The following KRT12 variants were observed in gnomAD, a reference collection of about 807,000 sequenced individuals.
KRT12 encodes keratin, type I cytoskeletal 12.
A neutral mutation model predicts 50.2 loss-of-function variants in KRT12; 43 were observed. The ratio of observed to expected loss-of-function variants is 0.86; its 90% confidence interval spans 0.67 to 1.11. The LOEUF is 1.11. Among genes scored for constraint, KRT12 ranks in the 50% least tolerant of loss-of-function variants. KRT12 has a pLI of 0.00. For missense variants in KRT12, 588 were observed against 625.6 expected (o/e 0.94, Z 0.64); for synonymous variants, 257 against 253.6 (o/e 1.01, Z -0.13).
In KRT12 at chr17:40,867,077, C is replaced by T. The variant is rs770746017; in HGVS notation, c.110G>A (p.Ser37Asn). 2 of 1,613,456 alleles carry T rather than the reference C, an allele frequency of 1.2e-6. No individual in the cohort carries two copies. The highest frequency in any genetic ancestry group is 2.2e-5 in the South Asian group (2 of 91,000). The stretch of plus-strand genomic sequence containing the variant: ...ACTTCCCCCATAACCACTTCCAACA[C>T]TGGAAGCAGACATGCCCCTGGGTCT... ...IGRPRGMSAS[S>N]VGSGYGGSAF... Residue 37 changes from serine (S) to asparagine (N), a missense_variant, in exon 1 of 8, where the codon AGT becomes AAT. Coordinates refer to ENST00000251643, the MANE Select transcript of KRT12 (RefSeq NM_000223.4).
In KRT12 at chr17:40,866,108, G is replaced by A. The variant is rs748134495; in HGVS notation, c.650+47C>T. The stretch of plus-strand genomic sequence containing the variant: ...TCAATGAAGGCAGGACAGTAGGACA[G>A]AAGACATGGTGGGACACGCCCATGA... On this transcript the variant is annotated intron_variant, in intron 2 of 7. Coordinates refer to ENST00000251643, the MANE Select transcript of KRT12 (RefSeq NM_000223.4). 4 of 1,395,868 alleles carry A rather than the reference G, an allele frequency of 2.9e-6. No individual in the cohort carries two copies. The African/African-American group carries it at 5.7e-5, about 20-fold the overall frequency. 86.5% of individuals were successfully genotyped at this position (1,395,868 alleles called of 1,614,324 possible). A position where few individuals can be genotyped will look rare whatever the true frequency, so the allele number is the denominator to read the frequency against.
At position 40,864,918 on chromosome 17, in the gene KRT12, A is replaced by G. The variant is rs776960497; in HGVS notation, c.695T>C (p.Ile232Thr). Residue 232 changes from isoleucine (I) to threonine (T), a missense_variant, in exon 3 of 8, where the codon ATC becomes ACC. Transcript: ENST00000251643. ...LALRQGVEAD[I>T]NGLRRVLDEL... is the part of the protein sequence containing the mutation. ...GTCCAGCACCCGGCGCAGGCCATTG[A>G]TGTCGGCCTCTACGCCCTGGCGCAG... 6.2e-7 allele frequency: 1 copy of G among 1,614,200 alleles called. No individual in the cohort carries two copies. The highest frequency in any genetic ancestry group is 1.1e-5 in the South Asian group (1 of 91,086).
chr17:40,867,038 C>A lies in KRT12; in HGVS notation c.149G>T (p.Gly50Val). ...AGAAAAGCCTCCCCCACAGCTGGCT[C>A]CAAAGCCAAAGGCACTTCCCCCATA... is the stretch of plus-strand genomic sequence containing the variant. ...SGYGGSAFGF[G>V]ASCGGGFSAA... The change falls in exon 1 of 8, where the codon GGA (glycine) becomes GTA (valine). Residue 50 changes from glycine (G) to valine (V), a missense_variant. Gly to Val is a moderately radical substitution (Grantham distance 109). Coordinates refer to ENST00000251643, the MANE Select transcript of KRT12 (RefSeq NM_000223.4). 1 of 1,604,600 alleles carries A rather than the reference C, an allele frequency of 6.2e-7. No individual in the cohort carries two copies. The highest frequency in any genetic ancestry group is 8.5e-7 in the Non-Finnish European group (1 of 1,174,706).
chr17:40,865,906 A>T (rs1334980169), intron 2 of KRT12, among the ~76,000 whole-genome samples: 1 of 152,226 alleles, frequency 6.6e-6, no homozygotes, highest in Non-Finnish European at 1.5e-5. Flanking sequence ...TCACATCATG[A>T]GTTGAGTCAA....
rs1906798578 is a variant in KRT12, at chr17:40,861,434, A to G, written c.*227T>C. On this transcript the variant is annotated 3_prime_UTR_variant, in exon 8 of 8. Transcript: ENST00000251643. ...GACTACTCCAGGTCCAGAAGGATAT[A>G]AGGTAATTTTGATTTGTTACAAAGA... The G allele has an allele frequency of 1.0e-5, 6 of 575,374 alleles. No homozygotes were observed. The Admixed American group carries it at 1.8e-4, about 17-fold the overall frequency. The allele number at this position is 575,374 out of a possible 1,614,324, so 35.6% of individuals were successfully genotyped here. A position where few individuals can be genotyped will look rare whatever the true frequency, so the allele number is the denominator to read the frequency against.
In KRT12 at chr17:40,867,142, G is replaced by A. The variant is rs199775745; in HGVS notation, c.45C>T (p.Pro15=). 24 of 1,611,696 alleles carry A rather than the reference G, an allele frequency of 1.5e-5. No individual in the cohort carries two copies. The Middle Eastern group carries it at 6.6e-4, about 44-fold the overall frequency. Residue 15 remains proline, a synonymous_variant, in exon 1 of 8, where the codon CCC becomes CCT. Transcript: ENST00000251643. ...NNTMSLSVRT[P]GLSRRLSSQS... is the part of the protein sequence containing the mutation. ...GCGAGGAGAGCCGCCGGGACAGTCC[G>A]GGGGTGCGCACTGAGAGTGACATGG...
chr17:40,864,490 T>G (rs1415617111), intron 3 of KRT12, among the ~76,000 whole-genome samples: 4 of 152,192 alleles, frequency 2.6e-5, no homozygotes, highest in Non-Finnish European at 5.9e-5. Context: ...AAATACTCAG[T>G]CTTTTTAAAA....
intron 2 of KRT12, among the ~76,000 whole-genome samples, chr17:40,865,360 C>T (rs1202608127): frequency 6.6e-6 from 1 of 152,178 alleles, no homozygotes; most frequent in Non-Finnish European, 1.5e-5. Flanking sequence ...TAACTTAAAA[C>T]ACTGATACTT....
intron 6 of KRT12, 161 bp downstream of exon 6, chr17:40,862,962 C>T (rs1906856676): frequency 7.1e-6 from 5 of 703,748 alleles, no homozygotes; most frequent in South Asian, 6.7e-5. Flanking sequence ...GGTGAAAACA[C>T]TTTGCAAAGT....
rs143115820 is a variant in KRT12, at chr17:40,866,714, C to T, written c.473G>A (p.Arg158Gln). Residue 158 changes from arginine to glutamine, a missense_variant, in exon 1 of 8, where the codon CGA (arginine) becomes CAA (glutamine). Coordinates refer to ENST00000251643, the MANE Select transcript of KRT12 (RefSeq NM_000223.4). Reference protein sequence around the residue: ...EANTELENKIREWYETRGTGT... With the variant: ...EANTELENKIQEWYETRGTGT... Reference sequence around the variant, plus strand: ...AGTTCCTCGTGTTTCATACCATTCTCGAATTTTATTTTCTAGCTCAGTATT... The same window carrying T: ...AGTTCCTCGTGTTTCATACCATTCTTGAATTTTATTTTCTAGCTCAGTATT... The T allele has an allele frequency of 1.5e-4, 236 of 1,614,078 alleles. No homozygotes were observed. Among genetic ancestry groups the T allele is most frequent in the Non-Finnish European group, 1.9e-4 (227 of 1,180,036 alleles).
chr17:40,865,115 C>A (rs983251325), intron 2 of KRT12, among the ~76,000 whole-genome samples, 153 bp from the exon 3 acceptor site: 1 of 152,156 alleles, frequency 6.6e-6, no homozygotes, highest in Admixed American at 6.5e-5. Flanking sequence ...TGTGTTTTTC[C>A]TTTCCTTTTT....
intron 3 of KRT12, among the ~76,000 whole-genome samples, chr17:40,864,564 G>C (rs568897135): frequency 6.6e-6 from 1 of 152,118 alleles, no homozygotes; most frequent in Non-Finnish European, 1.5e-5. Context: ...GACAAAATCA[G>C]AAAGTGCCTC....
At chr17:40,866,432 A>G (rs779823224) in intron 1 of KRT12, among the ~76,000 whole-genome samples, 188 bp downstream of exon 1, 4 of 152,232 alleles carry the variant, frequency 2.6e-5, no homozygotes, top group Admixed American at 6.5e-5. Context: ...TTCCTACAGA[A>G]AGATAATGGA....
Position 40,866,732 on chromosome 17 carries a change from T to C in KRT12, c.455A>G (p.Glu152Gly). The C allele has an allele frequency of 6.2e-7, 1 of 1,614,192 alleles. No individual in the cohort carries two copies. The highest frequency in any genetic ancestry group is 8.5e-7 in the Non-Finnish European group (1 of 1,180,016). Residue 152 changes from glutamate to glycine, a missense_variant, in exon 1 of 8, where the codon GAG becomes GGG. Transcript: ENST00000251643. ...CCATTCTCGAATTTTATTTTCTAGCTCAGTATTAGCCTCTTCTAGAGCTCG... is the reference window on the plus strand; with the variant it reads ...CCATTCTCGAATTTTATTTTCTAGCCCAGTATTAGCCTCTTCTAGAGCTCG... ...KVRALEEANTELENKIREWYE... is the reference protein window; with the variant it reads ...KVRALEEANTGLENKIREWYE...
rs1232158974 is a variant in KRT12, at chr17:40,866,806, T to G, written c.381A>C (p.Glu127Asp). The G allele has an allele frequency of 1.9e-6, 3 of 1,614,038 alleles. No homozygotes were observed. Among genetic ancestry groups the G allele is most frequent in the East Asian group, 2.2e-5 (1 of 44,896 alleles). ...ATCTATCATTAAGATTTTGCATAGT[T>G]TCTTTTTCTGATCCAGAAAGAAGGC... ...DGGLLSGSEK[E>D]TMQNLNDRLA... The change falls in exon 1 of 8, where the codon GAA (glutamate) becomes GAC (aspartate). Residue 127 changes from glutamate (E) to aspartate (D), a missense_variant. Physicochemically the swap from Glu to Asp is conservative, Grantham distance 45 (BLOSUM62 2). Coordinates refer to ENST00000251643, the MANE Select transcript of KRT12 (RefSeq NM_000223.4).
intron 2 of KRT12, 51 bp from the exon 3 acceptor site, chr17:40,865,013 A>G (rs778950455): frequency 3.8e-6 from 6 of 1,588,864 alleles, no homozygotes; most frequent in East Asian, 4.5e-5. Context: ...CCATTTGAAC[A>G]AGGCCACTGA....
In KRT12 at chr17:40,867,181, A is replaced by C; in HGVS notation, c.6T>G (p.Asp2Glu). 1 of 1,605,464 alleles carries C rather than the reference A, an allele frequency of 6.2e-7. No homozygotes were observed. The change falls in exon 1 of 8, where the codon GAT becomes GAG. Residue 2 changes from aspartate to glutamate, a missense_variant. By Grantham distance (45) the Asp-to-Glu change is conservative (BLOSUM62 2). Coordinates refer to ENST00000251643, the MANE Select transcript of KRT12 (RefSeq NM_000223.4). ...AGAGTGACATGGTGTTGTTGGAGAG[A>C]TCCATGGCCTGGGGAAGGTGGCCAC... M[D>E]LSNNTMSLSV...
At chr17:40,866,025 A>G in intron 2 of KRT12, 130 bp downstream of exon 2, 1 of 729,320 alleles carries the variant, frequency 1.4e-6, no homozygotes, top group South Asian at 1.5e-5. Context: ...AGAACACCCT[A>G]TGTGAATTTA....
intron 2 of KRT12, among the ~76,000 whole-genome samples, chr17:40,865,483 G>C (rs1906983436): frequency 6.6e-6 from 1 of 152,164 alleles, no homozygotes; most frequent in African/African-American, 2.4e-5. Flanking sequence ...CTATATCTGG[G>C]AGAGTTGAGC....
Sources: gnomAD v4.1 joint callset for allele counts (sites outside exome capture counted in the v4.1 genomes callset) on GRCh38, gnomAD v4.1.1 for gene constraint, MANE v1.5 for transcripts, NCBI Gene and HGNC (gene_info 2026-07-23, HGNC 2026-07-21) for gene names.